The following FMN1 variants were observed in gnomAD, a reference collection of about 807,000 sequenced individuals.
FMN1 encodes formin-1.
Under a neutral mutation model 132.4 loss-of-function variants are expected in FMN1, and 110 were observed. The observed-to-expected ratio is 0.83, with a 90% confidence interval of 0.71 to 0.97. The LOEUF (loss-of-function observed/expected upper bound fraction) is 0.97, where lower values mean the gene tolerates loss of function less well. Ranked by LOEUF, FMN1 falls within the 50% of genes least tolerant of loss-of-function variation. The probability of loss-of-function intolerance (pLI) is 0.00; values close to 1 mark genes in which losing one functional copy is unlikely to be tolerated. For missense variants in FMN1, 1,792 were observed against 1,705.3 expected (o/e 1.05, Z -0.90); for synonymous variants, 722 against 651.7 (o/e 1.11, Z -1.64).
intron 18 of FMN1, among the ~76,000 whole-genome samples, chr15:32,800,508 A>C (rs948182187): frequency 2.0e-5 from 3 of 152,188 alleles, no homozygotes; most frequent in Admixed American, 6.5e-5. Context: ...ACTTTATTTC[A>C]CTCAAATGAA....
intron 15 of FMN1, among the ~76,000 whole-genome samples, chr15:32,888,857 G>GT (rs34627075): frequency 0.042 from 5,670 of 135,504 alleles, 387 homozygotes; most frequent in African/African-American, 0.14. Flanking sequence ...ATATACACAG[G>GT]TTTTTTTTTT....
intron 16 of FMN1, among the ~76,000 whole-genome samples, chr15:32,886,358 C>G (rs954193413): frequency 6.6e-6 from 1 of 152,184 alleles, no homozygotes. Flanking sequence ...GTTCAGTTTT[C>G]TTTCCTAAGG....
intron 6 of FMN1, 85 bp from the exon 7 acceptor site, chr15:33,008,160 G>T: frequency 9.5e-6 from 10 of 1,050,504 alleles, no homozygotes; most frequent in Non-Finnish European, 5.7e-6. Flanking sequence ...GAAATAAACT[G>T]ACTAAAATAA....
chr15:32,953,176 C>T (rs1044191060), intron 9 of FMN1, among the ~76,000 whole-genome samples: 1 of 152,184 alleles, frequency 6.6e-6, no homozygotes, highest in Non-Finnish European at 1.5e-5. Context: ...CGTTTGTACC[C>T]CACCTAGGAG....
At chr15:32,896,424 AAAAC>A (rs1436474911) in intron 15 of FMN1, among the ~76,000 whole-genome samples, 1 of 152,096 alleles carries the variant, frequency 6.6e-6, no homozygotes, top group Non-Finnish European at 1.5e-5. Context: ...ACTGTGGTAA[AAAAC>A]AAACAAAAAA....
intron 7 of FMN1, among the ~76,000 whole-genome samples, chr15:33,004,448 A>G (rs920651347): frequency 1.6e-4 from 24 of 152,250 alleles, no homozygotes; most frequent in African/African-American, 5.3e-4. Flanking sequence ...AATGCTCACC[A>G]TCACTGGCCA....
At chr15:32,889,124 TCA>T (rs890900560) in intron 15 of FMN1, among the ~76,000 whole-genome samples, 34 of 152,266 alleles carry the variant, frequency 2.2e-4, no homozygotes, top group African/African-American at 8.2e-4. Context: ...CCAAAATTCT[TCA>T]TATATTTGAA....
chr15:33,096,665 T>C (rs1228009044), intron 4 of FMN1, among the ~76,000 whole-genome samples: 1 of 151,928 alleles, frequency 6.6e-6, no homozygotes. Flanking sequence ...TGTGGTGCGA[T>C]CCTGGATCAC....
At chr15:32,863,306 G>A (rs1050162595) in intron 16 of FMN1, among the ~76,000 whole-genome samples, 7 of 152,116 alleles carry the variant, frequency 4.6e-5, no homozygotes, top group East Asian at 1.9e-4. Flanking sequence ...GCGTGGTGGC[G>A]GGCACCTGTA....
rs2056336814 is a variant in FMN1, at chr15:32,774,116, T to C, written c.*194A>G. ...CAATGTTCCCTTAAATAGTTTTCCA[T>C]TGTTCCTGCGGCTTAATGAGGGACT... On this transcript the variant is annotated 3_prime_UTR_variant, in exon 21 of 21. Transcript: ENST00000616417. The C allele has an allele frequency of 1.7e-6, 1 of 591,962 alleles. No homozygotes were observed. The allele number at this position is 591,962 out of a possible 1,614,324, so 36.7% of individuals were successfully genotyped here. A position where few individuals can be genotyped will look rare whatever the true frequency, so the allele number is the denominator to read the frequency against.
At chr15:32,973,580 C>G (rs1011816670) in intron 7 of FMN1, among the ~76,000 whole-genome samples, 4 of 151,514 alleles carry the variant, frequency 2.6e-5, no homozygotes, top group Admixed American at 2.6e-4. Flanking sequence ...CCCCTCACCC[C>G]CCCCAAAAAA....
At chr15:32,889,620 T>C (rs2059977365) in intron 15 of FMN1, among the ~76,000 whole-genome samples, 1 of 152,184 alleles carries the variant, frequency 6.6e-6, no homozygotes, top group Admixed American at 6.5e-5. Context: ...GACCCTTCCC[T>C]AGTGCCTCCT....
chr15:32,914,893 G>A (rs765915682), intron 10 of FMN1, among the ~76,000 whole-genome samples: 54 of 152,330 alleles, frequency 3.5e-4, no homozygotes, highest in Non-Finnish European at 6.9e-4. Context: ...CAGGGACTGG[G>A]AAAGGAATGG....
intron 18 of FMN1, among the ~76,000 whole-genome samples, chr15:32,801,324 T>A (rs920664667): frequency 2.0e-5 from 3 of 151,954 alleles, no homozygotes; most frequent in African/African-American, 4.8e-5. Context: ...CTAAAAAAAA[T>A]ACTAAATTTC....
intron 9 of FMN1, among the ~76,000 whole-genome samples, chr15:32,962,496 TC>T (rs1187607524): frequency 1.3e-5 from 2 of 151,430 alleles, no homozygotes; most frequent in African/African-American, 2.4e-5. Context: ...ACAAATGGGA[TC>T]TAATTAAACT....
intron 11 of FMN1, among the ~76,000 whole-genome samples, chr15:32,909,572 A>G (rs1365978826): frequency 1.3e-5 from 2 of 152,236 alleles, no homozygotes; most frequent in African/African-American, 4.8e-5. Context: ...CAGGGGACAT[A>G]AATATGAAAC....
At chr15:32,936,782 G>C (rs1057092209) in intron 9 of FMN1, among the ~76,000 whole-genome samples, 1 of 152,118 alleles carries the variant, frequency 6.6e-6, no homozygotes, top group Admixed American at 6.6e-5. Flanking sequence ...AGGAAGCAGA[G>C]GAAGAAGAAA....
intron 17 of FMN1, among the ~76,000 whole-genome samples, chr15:32,814,058 C>T (rs1189729860): frequency 1.3e-5 from 2 of 152,134 alleles, no homozygotes. Context: ...ACTCTTGATG[C>T]TTTAAAACAG....
intron 15 of FMN1, among the ~76,000 whole-genome samples, chr15:32,892,109 A>G (rs1016424318): frequency 2.0e-5 from 3 of 152,058 alleles, no homozygotes; most frequent in Non-Finnish European, 4.4e-5. Context: ...AGGAGTGGCG[A>G]GAGTGGGCAT....
Sources: gnomAD v4.1 joint callset for allele counts (sites outside exome capture counted in the v4.1 genomes callset) on GRCh38, gnomAD v4.1.1 for gene constraint, MANE v1.5 for transcripts, NCBI Gene and HGNC (gene_info 2026-07-23, HGNC 2026-07-21) for gene names.